The following SUGCT variants were observed in gnomAD, a reference collection of about 807,000 sequenced individuals.
The protein encoded by SUGCT is succinyl-CoA:glutarate CoA-transferase.
In SUGCT, 41 loss-of-function variants were observed where a neutral mutation model predicts 55.0. The observed-to-expected ratio is 0.74, with a 90% confidence interval of 0.58 to 0.97. SUGCT has a LOEUF of 0.97. Ranked by LOEUF, SUGCT falls within the 50% of genes least tolerant of loss-of-function variation. The probability of loss-of-function intolerance (pLI) is 0.00; values close to 1 mark genes in which losing one functional copy is unlikely to be tolerated. For missense variants in SUGCT, 568 were observed against 547.8 expected (o/e 1.04, Z -0.37); for synonymous variants, 187 against 200.4 (o/e 0.93, Z 0.56).
intron 9 of SUGCT, among the ~76,000 whole-genome samples, chr7:40,337,634 A>T (rs546907157): frequency 6.6e-6 from 1 of 152,014 alleles, no homozygotes; most frequent in Non-Finnish European, 1.5e-5. Flanking sequence ...TTTTGAGTCT[A>T]TGTGTGTCTC....
chr7:40,983,734 T>C, the SUGCT span, among the ~76,000 whole-genome samples: 3 of 152,174 alleles, frequency 2.0e-5, no homozygotes, highest in African/African-American at 7.2e-5. Flanking sequence ...TCTATGAACA[T>C]AGAAAATTAA....
At chr7:40,856,742 AT>A (rs1291370772) in intron 13 of SUGCT, among the ~76,000 whole-genome samples, 1 of 152,176 alleles carries the variant, frequency 6.6e-6, no homozygotes, top group Non-Finnish European at 1.5e-5. Context: ...ATAGGAAAAA[AT>A]TTTTAAAGTG....
At chr7:40,728,967 T>C (rs1786750692) in intron 12 of SUGCT, among the ~76,000 whole-genome samples, 1 of 152,204 alleles carries the variant, frequency 6.6e-6, no homozygotes, top group Non-Finnish European at 1.5e-5. Context: ...TGAAAGCAGG[T>C]TAAAATTCCT....
At chr7:40,929,081 C>T in the SUGCT span, among the ~76,000 whole-genome samples, 3 of 152,028 alleles carry the variant, frequency 2.0e-5, no homozygotes, top group South Asian at 4.2e-4. Flanking sequence ...TATCCTTCCC[C>T]CAGCCCGCCA....
intron 6 of SUGCT, among the ~76,000 whole-genome samples, chr7:40,202,218 C>G (rs1786651255): frequency 6.6e-6 from 1 of 152,160 alleles, no homozygotes; most frequent in African/African-American, 2.4e-5. Flanking sequence ...AGTGATCTTC[C>G]TGCATCGGCC....
At chr7:40,743,848 C>G (rs1787591922) in intron 12 of SUGCT, among the ~76,000 whole-genome samples, 1 of 152,046 alleles carries the variant, frequency 6.6e-6, no homozygotes, top group Admixed American at 6.6e-5. Flanking sequence ...TGCACTTCGT[C>G]CCTTAGAAAG....
intron 13 of SUGCT, among the ~76,000 whole-genome samples, chr7:40,822,182 G>A (rs531618451): frequency 4.7e-5 from 7 of 150,410 alleles, no homozygotes; most frequent in African/African-American, 1.5e-4. Flanking sequence ...CTTTACTTCC[G>A]ACTATGTGGT....
intron 6 of SUGCT, among the ~76,000 whole-genome samples, chr7:40,222,829 T>C (rs1410231114): frequency 6.6e-6 from 1 of 151,998 alleles, no homozygotes; most frequent in Non-Finnish European, 1.5e-5. Flanking sequence ...GGGGTTTCAC[T>C]GTGTTGACCA....
At chr7:40,871,592 A>G in the SUGCT span, among the ~76,000 whole-genome samples, 1 of 152,214 alleles carries the variant, frequency 6.6e-6, no homozygotes, top group Non-Finnish European at 1.5e-5. Context: ...TTATACAGTA[A>G]TACATAATGA....
the SUGCT span, among the ~76,000 whole-genome samples, chr7:41,036,553 T>C: frequency 1.3e-5 from 2 of 152,142 alleles, no homozygotes; most frequent in African/African-American, 4.8e-5. Flanking sequence ...CCCTTGACTG[T>C]CTCAGCCCCT....
chr7:40,285,378 CA>C (rs1387455969), intron 8 of SUGCT, among the ~76,000 whole-genome samples: 3 of 151,632 alleles, frequency 2.0e-5, no homozygotes, highest in Non-Finnish European at 4.4e-5. Flanking sequence ...AGAGTTAGAA[CA>C]ATTTGTTTTT....
chr7:40,814,224 T>G (rs1290392763), intron 13 of SUGCT, among the ~76,000 whole-genome samples: 1 of 152,156 alleles, frequency 6.6e-6, no homozygotes, highest in Non-Finnish European at 1.5e-5. Context: ...TCTGGATTTC[T>G]TGTATCTGGA....
At chr7:40,136,769 C>T (rs1443409429) in intron 1 of SUGCT, among the ~76,000 whole-genome samples, 2 of 151,970 alleles carry the variant, frequency 1.3e-5, no homozygotes, top group South Asian at 2.1e-4. Flanking sequence ...CTAGGTGGGA[C>T]GATTGCTTGA....
At chr7:40,181,730 A>G (rs1335000403) in intron 2 of SUGCT, among the ~76,000 whole-genome samples, 2 of 149,518 alleles carry the variant, frequency 1.3e-5, no homozygotes, top group Non-Finnish European at 3.0e-5. Context: ...TGGGTGACAG[A>G]GCGAGACTCC....
At chr7:40,789,779 C>G (rs1316715226) in intron 13 of SUGCT, among the ~76,000 whole-genome samples, 3 of 152,064 alleles carry the variant, frequency 2.0e-5, no homozygotes, top group African/African-American at 7.2e-5. Context: ...TATTGTGTAC[C>G]TTTTGTTTAT....
chr7:40,412,566 T>C (rs548286716), intron 9 of SUGCT, among the ~76,000 whole-genome samples: 14 of 152,334 alleles, frequency 9.2e-5, no homozygotes, highest in African/African-American at 3.4e-4. Context: ...AGATTTCTTC[T>C]TTATTAAAAT....
intron 12 of SUGCT, among the ~76,000 whole-genome samples, chr7:40,530,839 C>G (rs1356918091): frequency 6.6e-6 from 1 of 152,182 alleles, no homozygotes; most frequent in Non-Finnish European, 1.5e-5. Context: ...TTCATTTAAA[C>G]ATTGGTTTTT....
chr7:40,433,683 G>C (rs999798153), intron 9 of SUGCT, among the ~76,000 whole-genome samples: 1 of 152,174 alleles, frequency 6.6e-6, no homozygotes, highest in Non-Finnish European at 1.5e-5. Flanking sequence ...GTTGCATGAT[G>C]TATAGAGCTG....
the SUGCT span, among the ~76,000 whole-genome samples, chr7:40,893,520 A>C: frequency 6.6e-6 from 1 of 152,202 alleles, no homozygotes; most frequent in African/African-American, 2.4e-5. Context: ...TCAAACTATT[A>C]ATAGAAAACA....
Sources: allele counts gnomAD v4.1 joint callset (sites outside exome capture counted in the v4.1 genomes callset), GRCh38; gene constraint gnomAD v4.1.1; transcripts MANE v1.5; gene names NCBI Gene and HGNC (gene_info 2026-07-23, HGNC 2026-07-21).